Variants in NOL4 observed in about 807,000 individuals in gnomAD.
NOL4 encodes the protein cancer/testis antigen 125.
Under a neutral mutation model 75.9 loss-of-function variants are expected in NOL4, and 17 were observed. The observed-to-expected ratio is 0.22, with a 90% confidence interval of 0.15 to 0.34. The LOEUF (loss-of-function observed/expected upper bound fraction) is 0.34. Among genes scored for constraint, NOL4 ranks in the 10% least tolerant of loss-of-function variants. The probability of loss-of-function intolerance (pLI) is 1.00; values close to 1 mark genes in which losing one functional copy is unlikely to be tolerated. For synonymous variants in NOL4, 292 were observed against 289.9 expected (o/e 1.01, Z -0.07); for missense variants, 614 against 793.5 (o/e 0.77, Z 2.72).
Position 34,024,194 on chromosome 18 carries a change from A to AAAAATATATATATATATAT in NOL4, c.773-4594_773-4593insATATATATATATATATTTT. On this transcript the variant is annotated intron_variant, in intron 5 of 10. Coordinates refer to ENST00000261592, the MANE Select transcript of NOL4 (RefSeq NM_003787.5). ...CAAAATAAACAGGAAAAAAAAAAAA[A>AAAAATATATATATATATAT]ATATATATATATATATATATAAAAT... 2.1e-4 allele frequency among the ~76,000 whole-genome samples: 15 copies of AAAAATATATATATATATAT among 70,670 alleles called. 1 individual carries two copies. Among genetic ancestry groups the AAAAATATATATATATATAT allele is most frequent in the Non-Finnish European group, 3.1e-4 (10 of 31,754 alleles). The allele number at this position is 70,670 out of a possible 152,430, so 46.4% of individuals were successfully genotyped here. A position where few individuals can be genotyped will look rare whatever the true frequency, so the allele number is the denominator to read the frequency against.
At chr18:34,168,983 C>T (rs1406562319) in intron 1 of NOL4, among the ~76,000 whole-genome samples, 2 of 151,604 alleles carry the variant, frequency 1.3e-5, no homozygotes, top group East Asian at 3.9e-4. Flanking sequence ...CAAACCAAAA[C>T]ACATTTTCAG....
At chr18:34,192,061 G>A (rs2034959200) in intron 1 of NOL4, among the ~76,000 whole-genome samples, 4 of 152,070 alleles carry the variant, frequency 2.6e-5, no homozygotes, top group Admixed American at 2.6e-4. Flanking sequence ...CACTATGTCA[G>A]GATTGTATAT....
chr18:33,977,234 T>C (rs760308522), intron 6 of NOL4, among the ~76,000 whole-genome samples: 4 of 152,000 alleles, frequency 2.6e-5, no homozygotes, highest in African/African-American at 4.8e-5. Context: ...AATAGTGGAG[T>C]TGCAATTTAA....
chr18:33,930,564 A>G (rs539800043), intron 9 of NOL4, among the ~76,000 whole-genome samples: 6 of 152,304 alleles, frequency 3.9e-5, no homozygotes, highest in African/African-American at 1.4e-4. Flanking sequence ...GTGAGTAGAT[A>G]GATGGTTGAG....
intron 5 of NOL4, among the ~76,000 whole-genome samples, chr18:34,065,924 G>A (rs1039498472): frequency 1.3e-5 from 2 of 151,802 alleles, no homozygotes; most frequent in African/African-American, 2.4e-5. Flanking sequence ...AAAGGAAGTC[G>A]AAATTTCAAA....
At chr18:33,896,428 C>G (rs955242501) in intron 9 of NOL4, among the ~76,000 whole-genome samples, 1 of 152,100 alleles carries the variant, frequency 6.6e-6, no homozygotes, top group Non-Finnish European at 1.5e-5. Flanking sequence ...GGTACAAAAA[C>G]AGGCACATAG....
intron 6 of NOL4, among the ~76,000 whole-genome samples, chr18:34,005,375 C>T (rs1426916282): frequency 2.6e-5 from 4 of 152,058 alleles, no homozygotes; most frequent in African/African-American, 9.7e-5. Flanking sequence ...TCCTTCATCA[C>T]TGTTTTCTCT....
intron 9 of NOL4, among the ~76,000 whole-genome samples, chr18:33,903,271 C>T (rs768171686): frequency 2.6e-5 from 4 of 152,038 alleles, no homozygotes; most frequent in South Asian, 4.2e-4. Context: ...TTAAACCATC[C>T]GATCTTGTAA....
Position 34,019,384 on chromosome 18 carries a change from G to C in NOL4, c.990C>G (p.Asn330Lys). 6.2e-7 allele frequency: 1 copy of C among 1,613,820 alleles called. No homozygotes were observed. The highest frequency in any genetic ancestry group is 8.5e-7 in the Non-Finnish European group (1 of 1,179,892). Residue 330 changes from asparagine to lysine, a missense_variant, in exon 6 of 11, where the codon AAC becomes AAG. Asn to Lys is a moderately conservative substitution (Grantham distance 94, BLOSUM62 0). This residue lies in a region of NOL4 where 196 missense variants were observed against 167.9 expected (regional missense o/e 1.17). Transcript: ENST00000261592. ...CAGAAATTAGAAGATTCTTATACTT[G>C]TTTTTCCCATTACTGTTGTGATCAT... ...RIDDHNSNGK[N>K]KYKNLLISDL...
chr18:34,023,446 T>C (rs749542488), intron 5 of NOL4: 8 of 456,132 alleles, frequency 1.8e-5, no homozygotes, highest in South Asian at 1.2e-4. Context: ...TTACCCAACA[T>C]AGTTTGGTCC....
intron 9 of NOL4, among the ~76,000 whole-genome samples, chr18:33,941,786 TA>T (rs1017801543): frequency 1.6e-4 from 24 of 151,998 alleles, no homozygotes; most frequent in African/African-American, 5.1e-4. Context: ...CAGGTCTATT[TA>T]GTTCCAGAAT....
chr18:34,184,318 T>A (rs1216401140), intron 1 of NOL4, among the ~76,000 whole-genome samples: 1 of 151,972 alleles, frequency 6.6e-6, no homozygotes, highest in Non-Finnish European at 1.5e-5. Context: ...ATATTTTATA[T>A]ATAATAACAT....
In NOL4 at chr18:34,104,980, A is replaced by G. The variant is rs555153105; in HGVS notation, c.526+69T>C. 6.2e-5 allele frequency: 60 copies of G among 965,238 alleles called. No individual in the cohort carries two copies. The African/African-American group carries it at 9.1e-4, about 15-fold the overall frequency. The allele number at this position is 965,238 out of a possible 1,614,324, so 59.8% of individuals were successfully genotyped here. ...GTTTCAGTCTACCACGTTTTTATAA[A>G]AATGTGAGATACAAATGGCCATTAT... is the stretch of plus-strand genomic sequence containing the variant. On this transcript the variant is annotated intron_variant, in intron 3 of 10. Coordinates refer to ENST00000261592, the MANE Select transcript of NOL4 (RefSeq NM_003787.5).
chr18:33,862,439 G>A, intron 10 of NOL4, among the ~76,000 whole-genome samples: 1 of 152,118 alleles, frequency 6.6e-6, no homozygotes, highest in Non-Finnish European at 1.5e-5. Flanking sequence ...TTAAACTCAA[G>A]AGCTTCTGCA....
intron 6 of NOL4, among the ~76,000 whole-genome samples, chr18:33,968,489 G>T (rs1161695925): frequency 6.6e-6 from 1 of 152,174 alleles, no homozygotes; most frequent in Non-Finnish European, 1.5e-5. Flanking sequence ...GGATGCAGCT[G>T]TAGGTCATTA....
chr18:33,909,136 T>C (rs2066239793), intron 9 of NOL4, among the ~76,000 whole-genome samples: 1 of 152,142 alleles, frequency 6.6e-6, no homozygotes, highest in Non-Finnish European at 1.5e-5. Flanking sequence ...CACCTATCAA[T>C]GTTATTTAAC....
At chr18:34,129,311 T>C (rs1205562106) in intron 2 of NOL4, among the ~76,000 whole-genome samples, 4 of 151,832 alleles carry the variant, frequency 2.6e-5, no homozygotes, top group African/African-American at 9.7e-5. Context: ...GGGCATTAGA[T>C]CTATTACAAT....
Position 33,892,649 on chromosome 18 carries a change from CCTT to C in NOL4, c.1543-9228_1543-9226del, listed in dbSNP as rs112516019. On this transcript the variant is annotated intron_variant, in intron 9 of 10. Coordinates refer to ENST00000261592, the MANE Select transcript of NOL4 (RefSeq NM_003787.5). ...TTTCTTTTCTTCTTCTTCTCCTTCTCCTTCTTCTTCTTTTTTTCTTTCCTTTGA... is the reference window on the plus strand; with the variant it reads ...TTTCTTTTCTTCTTCTTCTCCTTCTCCTTCTTCTTTTTTTCTTTCCTTTGA... Among the ~76,000 whole-genome samples the C allele has an allele frequency of 8.4e-4, 126 of 150,472 alleles. 3 individuals carry two copies. The East Asian group carries it at 0.02, about 24-fold the overall frequency.
chr18:34,158,318 T>A (rs980430699), intron 1 of NOL4, among the ~76,000 whole-genome samples: 7 of 152,270 alleles, frequency 4.6e-5, no homozygotes, highest in Admixed American at 2.0e-4. Context: ...TCTTTTTTAC[T>A]AAGTGCATTT....
Sources: allele counts gnomAD v4.1 joint callset (sites outside exome capture counted in the v4.1 genomes callset), GRCh38; gene constraint gnomAD v4.1.1; regional missense constraint gnomAD v4.1.1; transcripts MANE v1.5; gene names NCBI Gene and HGNC (gene_info 2026-07-23, HGNC 2026-07-21).